NTM: variants seen among roughly 807,000 people sequenced by gnomAD.
NTM encodes the protein neurotrimin.
A neutral mutation model predicts 42.1 loss-of-function variants in NTM; 13 were observed. That is an observed-to-expected ratio of 0.31 (90% confidence interval 0.20 to 0.49). The LOEUF is 0.49. Ranked by LOEUF, NTM falls within the 20% of genes least tolerant of loss-of-function variation. The probability of loss-of-function intolerance (pLI) is 0.99; values close to 1 mark genes in which losing one functional copy is unlikely to be tolerated. For missense variants in NTM, 373 were observed against 452.8 expected, an observed-to-expected ratio of 0.82 and a Z score of 1.60; for synonymous variants, 187 against 179.2, an observed-to-expected ratio of 1.04 and a Z score of -0.35.
chr11:132,306,063 G>A (rs80015426), intron 4 of NTM, among the ~76,000 whole-genome samples: 10,210 of 152,202 alleles, frequency 0.067, 395 homozygotes, highest in Middle Eastern at 0.12. Flanking sequence ...ATGAGGCCCC[G>A]GTTGGGCCTA....
chr11:132,102,762 A>T (rs1284602075), intron 2 of NTM, among the ~76,000 whole-genome samples: 1 of 152,058 alleles, frequency 6.6e-6, no homozygotes, highest in Non-Finnish European at 1.5e-5. Flanking sequence ...CTGAGGGGAG[A>T]GATGCCATGC....
At chr11:131,684,903 A>G (rs2695826) in intron 1 of NTM, among the ~76,000 whole-genome samples, 42,570 of 152,004 alleles carry the variant, frequency 0.28, 6,465 homozygotes, top group African/African-American at 0.39. Context: ...GACCAAGGGC[A>G]TGAGTGAGCC....
At chr11:132,126,197 T>G (rs2065810569) in intron 2 of NTM, among the ~76,000 whole-genome samples, 1 of 152,098 alleles carries the variant, frequency 6.6e-6, no homozygotes, top group Non-Finnish European at 1.5e-5. Flanking sequence ...AAAAGTCTGA[T>G]GGATTGAAAT....
intron 1 of NTM, among the ~76,000 whole-genome samples, chr11:131,865,782 G>T (rs2047086032): frequency 6.8e-6 from 1 of 147,166 alleles, no homozygotes; most frequent in African/African-American, 2.5e-5. Flanking sequence ...ATACACACAT[G>T]CTACACACAC....
rs549873298 is a variant in NTM, at chr11:131,643,378, C to A, written c.83-268186C>A. Reference sequence around the variant, plus strand: ...CTGACGGTTCCAGCACATGGTGTACCCGGGTGTGCGCGGAGCGGCCCAGCA... The same window carrying A: ...CTGACGGTTCCAGCACATGGTGTACACGGGTGTGCGCGGAGCGGCCCAGCA... On this transcript the variant is annotated intron_variant, in intron 1 of 8. Coordinates refer to ENST00000683400, the MANE Select transcript of NTM (RefSeq NM_001352005.2). Among the ~76,000 whole-genome samples the A allele has an allele frequency of 2.6e-5, 4 of 152,316 alleles. No homozygotes were observed. In the East Asian group the frequency reaches 7.7e-4, roughly 29 times the overall value.
At chr11:131,744,362 C>T (rs1452613703) in intron 1 of NTM, among the ~76,000 whole-genome samples, 3 of 152,274 alleles carry the variant, frequency 2.0e-5, no homozygotes, top group Admixed American at 1.3e-4. Context: ...TTTTTCCCAT[C>T]TAACATTTGT....
At chr11:131,921,580 T>A (rs986897112) in intron 2 of NTM, among the ~76,000 whole-genome samples, 2 of 152,142 alleles carry the variant, frequency 1.3e-5, no homozygotes, top group Non-Finnish European at 2.9e-5. Context: ...AGTAGGATAC[T>A]GGAACATTTG....
At chr11:132,196,177 A>G (rs1284622592) in intron 3 of NTM, among the ~76,000 whole-genome samples, 1 of 152,196 alleles carries the variant, frequency 6.6e-6, no homozygotes, top group Non-Finnish European at 1.5e-5. Flanking sequence ...ACATGTGGCT[A>G]AGAAATATAT....
At chr11:131,807,730 A>G (rs1005157865) in intron 1 of NTM, among the ~76,000 whole-genome samples, 1 of 152,122 alleles carries the variant, frequency 6.6e-6, no homozygotes, top group East Asian at 1.9e-4. Context: ...GTGCCTAGAA[A>G]AGTCTTTGGC....
intron 1 of NTM, among the ~76,000 whole-genome samples, chr11:131,503,495 C>T (rs1028113806): frequency 4.0e-5 from 6 of 151,178 alleles, no homozygotes; most frequent in Non-Finnish European, 4.4e-5. Flanking sequence ...ATCATTGGGT[C>T]GTGTCAAGTC....
intron 1 of NTM, among the ~76,000 whole-genome samples, chr11:131,524,864 C>A (rs954979576): frequency 6.6e-6 from 1 of 152,156 alleles, no homozygotes. Context: ...ACTCTTTGGG[C>A]CCTTGGTTTC....
intron 2 of NTM, among the ~76,000 whole-genome samples, chr11:132,044,418 G>A (rs1442310334): frequency 6.6e-6 from 1 of 152,138 alleles, no homozygotes; most frequent in East Asian, 1.9e-4. Context: ...TTAGAGTTGG[G>A]AAATCTGAGG....
chr11:132,208,966 C>G (rs2082409001), intron 3 of NTM, among the ~76,000 whole-genome samples: 1 of 152,108 alleles, frequency 6.6e-6, no homozygotes, highest in Non-Finnish European at 1.5e-5. Flanking sequence ...CTCCAGGAAG[C>G]AAGCAAGGCT....
intron 2 of NTM, among the ~76,000 whole-genome samples, chr11:131,965,388 G>T (rs2062709675): frequency 6.6e-6 from 1 of 152,152 alleles, no homozygotes; most frequent in African/African-American, 2.4e-5. Context: ...AATAAGGGTT[G>T]TAAGAAAGGA....
At chr11:132,041,210 T>TGA (rs1198458029) in intron 2 of NTM, among the ~76,000 whole-genome samples, 3 of 114,468 alleles carry the variant, frequency 2.6e-5, no homozygotes, top group Non-Finnish European at 3.7e-5. Flanking sequence ...TGTGTGTGTG[T>TGA]GAGAGAGAGA....
chr11:131,792,683 T>G (rs2091096102), intron 1 of NTM, among the ~76,000 whole-genome samples: 1 of 152,278 alleles, frequency 6.6e-6, no homozygotes, highest in Non-Finnish European at 1.5e-5. Flanking sequence ...CCATAACAAA[T>G]GGGCACGGTG....
intron 2 of NTM, among the ~76,000 whole-genome samples, chr11:132,029,931 A>G (rs560405047): frequency 1.1e-4 from 17 of 152,246 alleles, no homozygotes; most frequent in Non-Finnish European, 1.6e-4. Context: ...AGTGTTCCAC[A>G]TGAATGAATT....
At chr11:131,688,246 C>T (rs2074184164) in intron 1 of NTM, among the ~76,000 whole-genome samples, 1 of 152,162 alleles carries the variant, frequency 6.6e-6, no homozygotes, top group African/African-American at 2.4e-5. Flanking sequence ...GGGGAGGGCC[C>T]CTCTCAGCGG....
intron 4 of NTM, among the ~76,000 whole-genome samples, chr11:132,225,476 A>T (rs2086029521): frequency 6.6e-6 from 1 of 152,146 alleles, no homozygotes; most frequent in Admixed American, 6.5e-5. Flanking sequence ...AGGTAACTGC[A>T]AATCCAAGGC....
Sources: allele counts gnomAD v4.1 joint callset (sites outside exome capture counted in the v4.1 genomes callset), GRCh38; gene constraint gnomAD v4.1.1; transcripts MANE v1.5; gene names NCBI Gene and HGNC (gene_info 2026-07-23, HGNC 2026-07-21).